The following CNN3 variants were observed in gnomAD, a reference collection of about 807,000 sequenced individuals.
The protein encoded by CNN3 is calponin 3, also known as calponin-3.
CNN3 carries 11 observed loss-of-function variants against 39.0 expected under a neutral mutation model. The observed-to-expected ratio is 0.28, with a 90% CI of 0.18 to 0.47. CNN3 has a LOEUF of 0.47. CNN3 is among the 20% of genes least tolerant of loss of function. The pLI, the probability that CNN3 is intolerant of heterozygous loss-of-function variation, is 0.99. For synonymous variants in CNN3, 101 were observed against 138.3 expected, an observed-to-expected ratio of 0.73 and a Z score of 1.89; for missense variants, 266 against 403.4, an observed-to-expected ratio of 0.66 and a Z score of 2.92.
intron 1 of CNN3, among the ~76,000 whole-genome samples, chr1:94,915,326 G>A (rs1671254907): frequency 6.6e-6 from 1 of 152,110 alleles, no homozygotes; most frequent in Non-Finnish European, 1.5e-5. Context: ...TGAAGTCCAA[G>A]CTTCTTAAAC....
chr1:94,901,676 C>A lies in CNN3; in HGVS notation c.494G>T (p.Gly165Val), dbSNP rs1670872569. The A allele has an allele frequency of 6.2e-7, 1 of 1,610,674 alleles. No homozygotes were observed. Among genetic ancestry groups the A allele is most frequent in the Non-Finnish European group, 8.5e-7 (1 of 1,177,016 alleles). ...CAACACCACATTACTTACCTGCAGACCAATTACACTTTGGCCAGCTTTTAA... is the reference window on the plus strand; with the variant it reads ...CAACACCACATTACTTACCTGCAGAACAATTACACTTTGGCCAGCTTTTAA... ...GKLKAGQSVIGLQMGTNKCAS... is the reference protein window; with the variant it reads ...GKLKAGQSVIVLQMGTNKCAS... Residue 165 changes from glycine to valine, a missense_variant, in exon 5 of 7, where the codon GGT (glycine) becomes GTT (valine). Transcript: ENST00000370206.
chr1:94,912,812 G>C (rs1292085883), intron 1 of CNN3, among the ~76,000 whole-genome samples: 1 of 152,188 alleles, frequency 6.6e-6, no homozygotes, highest in Non-Finnish European at 1.5e-5. Context: ...GGTAATCTTA[G>C]ATGGCCCACT....
chr1:94,908,737 C>T (rs7418615), intron 1 of CNN3, among the ~76,000 whole-genome samples: 4,075 of 152,186 alleles, frequency 0.027, 74 homozygotes, highest in Middle Eastern at 0.058. Flanking sequence ...GATGGGGTTT[C>T]GCCATGTTGG....
Position 94,896,993 on chromosome 1 carries a change from C to T in CNN3, c.*749G>A, listed in dbSNP as rs1670739508. On this transcript the variant is annotated 3_prime_UTR_variant, in exon 7 of 7. Transcript: ENST00000370206. ...AAAAAATATTTATTTATAAAAAATA[C>T]AATGGGATAAGTTTATGCTGAGAAA... 1 of 152,152 alleles carries T rather than the reference C, an allele frequency of 6.6e-6. No individual in the cohort carries two copies. Among genetic ancestry groups the T allele is most frequent in the African/African-American group, 2.4e-5 (1 of 41,350 alleles). The allele number at this position is 152,152 out of a possible 1,614,324, so 9.4% of individuals were successfully genotyped here.
chr1:94,911,479 A>G (rs1671163609), intron 1 of CNN3, among the ~76,000 whole-genome samples: 1 of 152,214 alleles, frequency 6.6e-6, no homozygotes. Context: ...CTGACAAGAA[A>G]TTAAAGCTTC....
intron 6 of CNN3, 72 bp downstream of exon 6, chr1:94,899,299 C>A: frequency 6.9e-7 from 1 of 1,454,012 alleles, no homozygotes; most frequent in Non-Finnish European, 9.2e-7. Context: ...CAAAAAATAC[C>A]TACTTTAAAC....
rs201710964 is a variant in CNN3, at chr1:94,911,294, A to AC, written c.58-7771dup. ...GGAAAATCATGCTCGCCTCAGGTAA[A>AC]CAGAAGTAAAGTCCAGGAGCATTTT... is the stretch of plus-strand genomic sequence containing the variant. On this transcript the variant is annotated intron_variant, in intron 1 of 6. Transcript: ENST00000370206. Among the ~76,000 whole-genome samples the AC allele has an allele frequency of 4.7e-3, 720 of 152,282 alleles. 8 individuals carry two copies. The highest frequency in any genetic ancestry group is 0.017 in the African/African-American group (687 of 41,552).
At chr1:94,915,511 A>G (rs913167352) in intron 1 of CNN3, among the ~76,000 whole-genome samples, 1 of 152,232 alleles carries the variant, frequency 6.6e-6, no homozygotes, top group Non-Finnish European at 1.5e-5. Context: ...ACATAATTGT[A>G]ATGCAATCTG....
At chr1:94,922,743 A>C (rs1319912019) in intron 1 of CNN3, among the ~76,000 whole-genome samples, 1 of 152,234 alleles carries the variant, frequency 6.6e-6, no homozygotes, top group Non-Finnish European at 1.5e-5. Context: ...GCACCCGGCA[A>C]ACAAGCTAGG....
chr1:94,899,665 T>A lies in CNN3; in HGVS notation c.502-148A>T, dbSNP rs1670814858. ...GCTCCAGTCAACTCTTCTATGTGTCTACAAACAAATTTCAAGTGCTAACTT... is the reference window on the plus strand; with the variant it reads ...GCTCCAGTCAACTCTTCTATGTGTCAACAAACAAATTTCAAGTGCTAACTT... On this transcript the variant is annotated intron_variant, in intron 5 of 6. Transcript: ENST00000370206. 13 of 733,476 alleles carry A rather than the reference T, an allele frequency of 1.8e-5. No individual in the cohort carries two copies. The South Asian group carries it at 2.9e-4, about 16-fold the overall frequency. 45.4% of individuals were successfully genotyped at this position (733,476 alleles called of 1,614,324 possible).
At chr1:94,923,906 A>G (rs192776813) in intron 1 of CNN3, among the ~76,000 whole-genome samples, 7 of 152,288 alleles carry the variant, frequency 4.6e-5, no homozygotes, top group Admixed American at 4.6e-4. Context: ...TACAGAACAG[A>G]AGCTAGGAGA....
At chr1:94,917,110 C>T (rs1290361793) in intron 1 of CNN3, among the ~76,000 whole-genome samples, 1 of 152,196 alleles carries the variant, frequency 6.6e-6, no homozygotes, top group East Asian at 1.9e-4. Context: ...GATCTTGGCT[C>T]ACCGCAGCCT....
intron 1 of CNN3, among the ~76,000 whole-genome samples, chr1:94,911,440 T>A (rs184843172): frequency 6.6e-6 from 1 of 152,284 alleles, no homozygotes; most frequent in Admixed American, 6.5e-5. Flanking sequence ...TACAAAAACA[T>A]TATGACTCAA....
chr1:94,903,257 G>A, intron 2 of CNN3, 69 bp from the exon 3 acceptor site: 1 of 1,568,864 alleles, frequency 6.4e-7, no homozygotes, highest in Non-Finnish European at 8.7e-7. Flanking sequence ...ATATCAAGTT[G>A]CTCCCTTTAG....
At chr1:94,902,013 A>G in intron 4 of CNN3, 108 bp downstream of exon 4, 1 of 955,942 alleles carries the variant, frequency 1.0e-6, no homozygotes, top group Non-Finnish European at 1.6e-6. Context: ...ATTACAGAAG[A>G]GACAGGCCCC....
At chr1:94,900,884 G>C (rs923692577) in intron 5 of CNN3, among the ~76,000 whole-genome samples, 19 of 152,186 alleles carry the variant, frequency 1.2e-4, no homozygotes, top group Admixed American at 7.9e-4. Context: ...TTAAGGTCGT[G>C]TAAAATTGCC....
chr1:94,925,850 A>G, intron 1 of CNN3: 1 of 983,742 alleles, frequency 1.0e-6, no homozygotes, highest in Non-Finnish European at 1.2e-6. Context: ...TTCTGTGCAC[A>G]GTTCCGCGCC....
At chr1:94,912,582 C>G (rs1262540363) in intron 1 of CNN3, among the ~76,000 whole-genome samples, 1 of 152,206 alleles carries the variant, frequency 6.6e-6, no homozygotes, top group Non-Finnish European at 1.5e-5. Context: ...CTGCCCATGT[C>G]CCCTCCTTGA....
At chr1:94,923,713 G>A (rs924374702) in intron 1 of CNN3, among the ~76,000 whole-genome samples, 1 of 151,940 alleles carries the variant, frequency 6.6e-6, no homozygotes, top group African/African-American at 2.4e-5. Flanking sequence ...AGACCAAAAG[G>A]TATTAATACA....
Sources: allele counts gnomAD v4.1 joint callset (sites outside exome capture counted in the v4.1 genomes callset), GRCh38; gene constraint gnomAD v4.1.1; transcripts MANE v1.5; gene names NCBI Gene and HGNC (gene_info 2026-07-23, HGNC 2026-07-21).